The following MEGF8 variants were observed in gnomAD, a reference collection of about 807,000 sequenced individuals.
MEGF8 encodes multiple epidermal growth factor-like domains protein 8.
MEGF8 carries 156 observed loss-of-function variants against 302.9 expected under a neutral mutation model. The ratio of observed to expected loss-of-function variants is 0.52; its 90% CI spans 0.45 to 0.59. The LOEUF (loss-of-function observed/expected upper bound fraction) is 0.59, where lower values mean the gene tolerates loss of function less well. MEGF8 is among the 20% of genes least tolerant of loss of function. The pLI is 0.00. For synonymous variants in MEGF8, 1,621 were observed against 1,660.5 expected (o/e 0.98, Z 0.58); for missense variants, 3,345 against 3,964.5 (o/e 0.84, Z 4.20).
rs1301438913 is a variant in MEGF8 at position 42,349,576 on chromosome 19, C to T, written c.2376C>T (p.Phe792=). 4.3e-6 allele frequency: 7 copies of T among 1,611,980 alleles called. No homozygotes were observed. The East Asian group carries it at 1.6e-4, about 36-fold the overall frequency. The change falls in exon 14 of 42, where the codon TTC becomes TTT. Residue 792 remains phenylalanine (F), a synonymous_variant. Coordinates refer to ENST00000251268, the MANE Select transcript of MEGF8 (RefSeq NM_001271938.2). The part of the protein sequence containing the change: ...RLQRPGSARL[F]PLPGRDHKYA... ...AGCGCCCTGGGTCTGCTCGCCTCTT[C>T]CCTCTGCCTGGGCGGGACCACAAGT...
rs1219090266 is a variant in MEGF8, at chr19:42,336,239, G to C, written c.1137G>C (p.Val379=). The C allele has an allele frequency of 6.8e-6, 11 of 1,608,866 alleles. No homozygotes were observed. The highest frequency in any genetic ancestry group is 8.5e-6 in the Non-Finnish European group (10 of 1,179,864). Residue 379 remains valine (V), a synonymous_variant, in exon 6 of 42, where the codon GTG becomes GTC. Coordinates refer to ENST00000251268, the MANE Select transcript of MEGF8 (RefSeq NM_001271938.2). The surrounding 1 kb of genome is among the most constrained non-coding windows in gnomAD (Gnocchi z 4.8). ...CCAGCGGGGGCTATTGGGAGCAGGT[G>C]ATTCCGGCAGGCGGACGGCCCCCTG... ...DSTSGGYWEQ[V]IPAGGRPPAA... is the part of the protein sequence containing the mutation.
chr19:42,348,329 T>C lies in MEGF8; in HGVS notation c.2155T>C (p.Ser719Pro). Residue 719 changes from serine to proline, a missense_variant, in exon 13 of 42, where the codon TCC becomes CCC. Physicochemically the swap from Ser to Pro is moderately conservative, Grantham distance 74. Transcript: ENST00000251268. ...TLTPSAETDV[S>P]LVYRGFIYPM... ...AACACCCAGCGCAGAGACAGATGTG[T>C]CCCTGGTCTACCGTGGCTTCATCTA... 6.5e-7 allele frequency: 1 copy of C among 1,537,540 alleles called. No individual in the cohort carries two copies. The highest frequency in any genetic ancestry group is 8.7e-7 in the Non-Finnish European group (1 of 1,146,972).
At position 42,356,771 on chromosome 19, in the gene MEGF8, C is replaced by T. The variant is rs1287829511; in HGVS notation, c.4623-3C>T. ...AGGCTGCTTTTTTGCACCCTGGCCC[C>T]AGGTACTCAGTGAGTGAGCGGCGGT... On this transcript the variant is annotated splice_polypyrimidine_tract_variant and splice_region_variant and intron_variant, in intron 26 of 41. Coordinates refer to ENST00000251268, the MANE Select transcript of MEGF8 (RefSeq NM_001271938.2). The surrounding 1 kb of genome is among the most constrained non-coding windows in gnomAD (Gnocchi z 5.2). The T allele has an allele frequency of 1.3e-6, 2 of 1,545,444 alleles. No individual in the cohort carries two copies. Among genetic ancestry groups the T allele is most frequent in the Non-Finnish European group, 8.7e-7 (1 of 1,143,456 alleles).
At chr19:42,333,033 T>C (rs987645620) in intron 1 of MEGF8, among the ~76,000 whole-genome samples, 8 of 152,134 alleles carry the variant, frequency 5.3e-5, no homozygotes, top group Non-Finnish European at 1.5e-5. Context: ...CTTGTAACCA[T>C]CACAATAAGC....
chr19:42,357,766 C>T lies in MEGF8; in HGVS notation c.5011+182C>T, dbSNP rs1206039. On this transcript the variant is annotated intron_variant, in intron 28 of 41. Coordinates refer to ENST00000251268, the MANE Select transcript of MEGF8 (RefSeq NM_001271938.2). The surrounding 1 kb of genome is among the most constrained non-coding windows in gnomAD (Gnocchi z 5.2). ...ATTTTCTGACTGTCCTTCCCAGACT[C>T]CACAACTAACTGCCCACTCCCGGCC... 0.012 allele frequency among the ~76,000 whole-genome samples: 1,755 copies of T among 152,270 alleles called. 43 individuals are homozygous for T. The highest frequency in any genetic ancestry group is 0.04 in the African/African-American group (1,677 of 41,550).
chr19:42,359,853 A>ATTTT (rs891961465), intron 31 of MEGF8, among the ~76,000 whole-genome samples: 77 of 125,374 alleles, frequency 6.1e-4, no homozygotes, highest in Non-Finnish European at 7.7e-4. Context: ...CGCCTGGATA[A>ATTTT]TTTTTTTTTT....
chr19:42,335,159 G>A lies in MEGF8; in HGVS notation c.683G>A (p.Arg228His), dbSNP rs1446825911. Residue 228 changes from arginine (R) to histidine (H), a missense_variant, in exon 4 of 42, where the codon CGT becomes CAT. By Grantham distance (29) the Arg-to-His change is conservative. Transcript: ENST00000251268. Reference sequence around the variant, plus strand: ...GCCAGGGACCCTGCCTTCTCTGCCCGTATTGGGGCAGCTGGCGCCTTCCTG... The same window carrying A: ...GCCAGGGACCCTGCCTTCTCTGCCCATATTGGGGCAGCTGGCGCCTTCCTG... ...VSARDPAFSA[R>H]IGAAGAFLSP... 3.7e-6 allele frequency: 6 copies of A among 1,613,946 alleles called. No individual in the cohort carries two copies. Among genetic ancestry groups the A allele is most frequent in the East Asian group, 2.2e-5 (1 of 44,878 alleles).
At chr19:42,329,132 T>C (rs2039023115) in intron 1 of MEGF8, among the ~76,000 whole-genome samples, 1 of 152,130 alleles carries the variant, frequency 6.6e-6, no homozygotes, top group African/African-American at 2.4e-5. Context: ...AGGATCCCCA[T>C]CTAGGTTTGC....
At chr19:42,326,517 G>T (rs1182055147) in intron 1 of MEGF8, 87 bp downstream of exon 1, 1 of 1,452,232 alleles carries the variant, frequency 6.9e-7, no homozygotes, top group African/African-American at 1.5e-5. Context: ...CCCAGAGCTC[G>T]GTTCTGGTCC....
At position 42,351,273 on chromosome 19, in the gene MEGF8, C is replaced by T. The variant is rs1024656947; in HGVS notation, c.2794C>T (p.Arg932Trp). Residue 932 changes from arginine (R) to tryptophan (W), a missense_variant, in exon 16 of 42, where the codon CGG becomes TGG. Transcript: ENST00000251268. The surrounding 1 kb of genome is among the most constrained non-coding windows in gnomAD (Gnocchi z 5.6). ...CCGCAAAGGGGACGCGGCATGCAGCCGGCGGGGCCGGGGTCGGGGTGCCCT... is the reference window on the plus strand; with the variant it reads ...CCGCAAAGGGGACGCGGCATGCAGCTGGCGGGGCCGGGGTCGGGGTGCCCT... ...TSRKGDAACS[R>W]RGRGRGALKS... 1.3e-6 allele frequency: 2 copies of T among 1,572,286 alleles called. No individual in the cohort carries two copies. Among genetic ancestry groups the T allele is most frequent in the Non-Finnish European group, 1.7e-6 (2 of 1,158,518 alleles).
Position 42,358,114 on chromosome 19 carries a change from C to A in MEGF8, c.5012-30C>A. The A allele has an allele frequency of 1.3e-6, 2 of 1,511,698 alleles. No individual in the cohort carries two copies. The highest frequency in any genetic ancestry group is 1.4e-5 in the African/African-American group (1 of 71,016). 93.6% of individuals were successfully genotyped at this position (1,511,698 alleles called of 1,614,324 possible). ...GGGGTCAGTGCTGTTGTCAGCCCCTCCCCCAGCCTGTCACCCTGCCCCTCA... is the reference window on the plus strand; with the variant it reads ...GGGGTCAGTGCTGTTGTCAGCCCCTACCCCAGCCTGTCACCCTGCCCCTCA... On this transcript the variant is annotated intron_variant, in intron 28 of 41. Transcript: ENST00000251268. The surrounding 1 kb of genome is among the most constrained non-coding windows in gnomAD (Gnocchi z 4.4).
At chr19:42,361,663 AC>A (rs940372900) in intron 32 of MEGF8, among the ~76,000 whole-genome samples, 1 of 151,144 alleles carries the variant, frequency 6.6e-6, no homozygotes, top group Non-Finnish European at 1.5e-5. Context: ...GGGATTGTGG[AC>A]CCCCCCTGTG....
intron 41 of MEGF8, among the ~76,000 whole-genome samples, chr19:42,374,095 CAGT>C (rs1271870330): frequency 6.6e-6 from 1 of 151,984 alleles, no homozygotes; most frequent in African/African-American, 2.4e-5. Flanking sequence ...GCTGTGTAGA[CAGT>C]GGTGACAGCA....
Position 42,343,647 on chromosome 19 carries a change from A to C in MEGF8, c.1668+16A>C, listed in dbSNP as rs1373254672. 2.0e-5 allele frequency: 31 copies of C among 1,589,502 alleles called. No individual in the cohort carries two copies. Among genetic ancestry groups the C allele is most frequent in the Non-Finnish European group, 2.6e-5 (30 of 1,165,326 alleles). ...TGCCCCTGACGTGAGCACTGGGGTG[A>C]CAGGGAAAGGGTGGCTGGGGGGAGG... On this transcript the variant is annotated intron_variant, in intron 9 of 41. Coordinates refer to ENST00000251268, the MANE Select transcript of MEGF8 (RefSeq NM_001271938.2).
In MEGF8 at chr19:42,356,693, G is replaced by A. The variant is rs112443731; in HGVS notation, c.4623-81G>A. The stretch of plus-strand genomic sequence containing the variant: ...ATAGGAAGGTCACCCCAGGGGATGC[G>A]GGGACATCTGTCAGGCAGGGTCACC... On this transcript the variant is annotated intron_variant, in intron 26 of 41. Transcript: ENST00000251268. This position sits in a 1 kb window ranked among gnomAD's most constrained non-coding sequence, Gnocchi z 5.2. 47 of 1,402,690 alleles carry A rather than the reference G, an allele frequency of 3.4e-5. No individual in the cohort carries two copies. The highest frequency in any genetic ancestry group is 1.0e-4 in the African/African-American group (7 of 69,986). 86.9% of individuals were successfully genotyped at this position (1,402,690 alleles called of 1,614,324 possible).
At chr19:42,374,791 G>T (rs560646191) in intron 41 of MEGF8, among the ~76,000 whole-genome samples, 1 of 152,212 alleles carries the variant, frequency 6.6e-6, no homozygotes, top group Non-Finnish European at 1.5e-5. Flanking sequence ...AGCGAGGAGC[G>T]CTAAGGAAAG....
rs2039411203 is a variant in MEGF8 at position 42,353,756 on chromosome 19, C to T, written c.3762-19C>T. The T allele has an allele frequency of 6.3e-7, 1 of 1,583,604 alleles. No homozygotes were observed. Among genetic ancestry groups the T allele is most frequent in the Non-Finnish European group, 8.6e-7 (1 of 1,160,818 alleles). On this transcript the variant is annotated intron_variant, in intron 21 of 41. Transcript: ENST00000251268. This position sits in a 1 kb window ranked among gnomAD's most constrained non-coding sequence, Gnocchi z 6.1. Reference sequence around the variant, plus strand: ...AGGGTCAGGACTGGTCTGACACTGGCTCTTCTCCATCTCCCCAGGGCCGGT... The same window carrying T: ...AGGGTCAGGACTGGTCTGACACTGGTTCTTCTCCATCTCCCCAGGGCCGGT...
In MEGF8 at chr19:42,351,881, T is replaced by C. The variant is rs2039379485; in HGVS notation, c.3101+120T>C. The C allele has an allele frequency of 1.2e-6, 1 of 836,532 alleles. No individual in the cohort carries two copies. The highest frequency in any genetic ancestry group is 1.9e-6 in the Non-Finnish European group (1 of 526,980). The allele number at this position is 836,532 out of a possible 1,614,324, so 51.8% of individuals were successfully genotyped here. A position where few individuals can be genotyped will look rare whatever the true frequency, so the allele number is the denominator to read the frequency against. ...CCCATCCCATGGCCACCTTCCCTTTTCCGTACTGTTTTTCTGTTGTTTATT... is the reference window on the plus strand; with the variant it reads ...CCCATCCCATGGCCACCTTCCCTTTCCCGTACTGTTTTTCTGTTGTTTATT... On this transcript the variant is annotated intron_variant, in intron 18 of 41. Coordinates refer to ENST00000251268, the MANE Select transcript of MEGF8 (RefSeq NM_001271938.2). The surrounding 1 kb of genome is among the most constrained non-coding windows in gnomAD (Gnocchi z 5.6).
At chr19:42,349,416 G>T in intron 13 of MEGF8, 83 bp from the exon 14 acceptor site, 2 of 1,245,568 alleles carry the variant, frequency 1.6e-6, no homozygotes, top group Non-Finnish European at 1.1e-6. Flanking sequence ...GTGGGGTACA[G>T]GGTGGGTTTG....
Sources: gnomAD v4.1 joint callset for allele counts (sites outside exome capture counted in the v4.1 genomes callset) on GRCh38, gnomAD v4.1.1 for gene constraint, Gnocchi (gnomAD v3.1) non-coding constraint, MANE v1.5 for transcripts, NCBI Gene and HGNC (gene_info 2026-07-23, HGNC 2026-07-21) for gene names.